Variants in UBR4 observed in about 807,000 individuals in gnomAD.
UBR4 encodes E3 ubiquitin-protein ligase UBR4.
In UBR4, 124 loss-of-function variants were observed where a neutral mutation model predicts 575.6. That is an observed-to-expected ratio of 0.22 (90% CI 0.19 to 0.25). The LOEUF (loss-of-function observed/expected upper bound fraction) is 0.25. UBR4 is among the 10% of genes least tolerant of loss of function. The probability of loss-of-function intolerance (pLI) is 1.00; values close to 1 mark genes in which losing one functional copy is unlikely to be tolerated. For missense variants in UBR4, 4,818 were observed against 6,478.8 expected (o/e 0.74, Z 8.80); for synonymous variants, 2,455 against 2,473.7 (o/e 0.99, Z 0.22).
Position 19,113,807 on chromosome 1 carries a change from C to T in UBR4, c.11349G>A (p.Gly3783=). 6.2e-7 allele frequency: 1 copy of T among 1,614,210 alleles called. No homozygotes were observed. Among genetic ancestry groups the T allele is most frequent in the South Asian group, 1.1e-5 (1 of 91,084 alleles). ...EKPQDDSGTA[G]GISSTSASVN... ...CACTGGCAGAAGTGGAGCTGATGCC[C>T]CCTGCTGTTCCTGAGTCATCCTGCA... Residue 3783 remains glycine (G), a synonymous_variant, in exon 77 of 106, where the codon GGG becomes GGA. Coordinates refer to ENST00000375254, the MANE Select transcript of UBR4 (RefSeq NM_020765.3).
chr1:19,103,887 A>C (rs2078914937), intron 87 of UBR4, among the ~76,000 whole-genome samples, 197 bp downstream of exon 87: 3 of 152,372 alleles, frequency 2.0e-5, no homozygotes, highest in South Asian at 4.1e-4. Context: ...TGAAAAATCC[A>C]AAGTGACTGA....
rs1345516998 is a variant in UBR4 at position 19,121,368 on chromosome 1, T to C, written c.9962A>G (p.Gln3321Arg). 2.5e-6 allele frequency: 4 copies of C among 1,614,134 alleles called. No homozygotes were observed. Among genetic ancestry groups the C allele is most frequent in the Non-Finnish European group, 3.4e-6 (4 of 1,180,002 alleles). Residue 3321 changes from glutamine (Q) to arginine (R), a missense_variant, in exon 68 of 106, where the codon CAA becomes CGA. Physicochemically the swap from Gln to Arg is conservative, Grantham distance 43. Coordinates refer to ENST00000375254, the MANE Select transcript of UBR4 (RefSeq NM_020765.3). ...VDEGVSPVLLQLLSCALCGSK... is the reference protein window; with the variant it reads ...VDEGVSPVLLRLLSCALCGSK... The stretch of plus-strand genomic sequence containing the variant: ...GCCGCACAGAGCACAGGAGAGCAGT[T>C]GCAGCAGCACTGGGGACACGCCCTC...
intron 96 of UBR4, 43 bp from the exon 97 acceptor site, chr1:19,092,961 A>G: frequency 1.9e-6 from 3 of 1,565,974 alleles, no homozygotes; most frequent in Non-Finnish European, 2.6e-6. Context: ...AGGGAAGCAA[A>G]GGCTACCTAG....
At position 19,115,557 on chromosome 1, in the gene UBR4, A is replaced by G; in HGVS notation, c.10904T>C (p.Ile3635Thr). 1 of 1,614,178 alleles carries G rather than the reference A, an allele frequency of 6.2e-7. No homozygotes were observed. The highest frequency in any genetic ancestry group is 8.5e-7 in the Non-Finnish European group (1 of 1,180,002). ...CTCAATCATCAGATTGGAGGCCACA[A>G]TGGGCAACGGCAGGTCAATCTTCAC... ...TEVKIDLPLP[I>T]VASNLMIEFA... The change falls in exon 74 of 106, where the codon ATT becomes ACT. Residue 3635 changes from isoleucine to threonine, a missense_variant. This residue lies in a region of UBR4 where 550 missense variants were observed against 791.5 expected (regional missense o/e 0.69). Coordinates refer to ENST00000375254, the MANE Select transcript of UBR4 (RefSeq NM_020765.3).
chr1:19,199,607 A>G (rs1427897337), intron 3 of UBR4, 44 bp downstream of exon 3: 16 of 1,583,342 alleles, frequency 1.0e-5, no homozygotes, highest in Non-Finnish European at 1.3e-5. Context: ...GTCAGTCACA[A>G]CACTGCTTCA....
At chr1:19,191,070 A>G (rs970668993) in intron 11 of UBR4, among the ~76,000 whole-genome samples, 16 of 152,214 alleles carry the variant, frequency 1.1e-4, no homozygotes, top group Non-Finnish European at 1.8e-4. Context: ...TCAAACCTGA[A>G]CAATTCTACC....
Position 19,097,296 on chromosome 1 carries a change from T to A in UBR4, c.13303-16A>T. 1 of 1,610,328 alleles carries A rather than the reference T, an allele frequency of 6.2e-7. No homozygotes were observed. The highest frequency in any genetic ancestry group is 8.5e-7 in the Non-Finnish European group (1 of 1,178,402). On this transcript the variant is annotated splice_polypyrimidine_tract_variant and intron_variant, in intron 90 of 105. Transcript: ENST00000375254. The stretch of plus-strand genomic sequence containing the variant: ...TGGGCTCTCCCTGAGCAGAGAAAGT[T>A]GGAGAAAGGTACTTAAAAACAGGCC...
At chr1:19,085,288 G>A (rs1273313155) in intron 101 of UBR4, among the ~76,000 whole-genome samples, 1 of 152,160 alleles carries the variant, frequency 6.6e-6, no homozygotes, top group African/African-American at 2.4e-5. Context: ...TTGAGAGGCC[G>A]AGGCAGGTGG....
At chr1:19,184,252 A>C in intron 15 of UBR4, 77 bp from the exon 16 acceptor site, 1 of 1,456,224 alleles carries the variant, frequency 6.9e-7, no homozygotes, top group South Asian at 1.3e-5. Flanking sequence ...TTACAAATAG[A>C]AAATAAAATA....
At chr1:19,081,930 A>G (rs1359564056) in intron 102 of UBR4, 5 of 598,790 alleles carry the variant, frequency 8.4e-6, no homozygotes, top group Non-Finnish European at 1.5e-5. Context: ...AGGCCCAGAA[A>G]AGTGAAGTGA....
intron 66 of UBR4, 146 bp from the exon 67 acceptor site, chr1:19,122,158 C>CTGG (rs1400737445): frequency 3.9e-6 from 3 of 776,712 alleles, no homozygotes; most frequent in Non-Finnish European, 6.5e-6. Flanking sequence ...GCTGAGATGT[C>CTGG]TGGTCAACCT....
chr1:19,162,506 C>A lies in UBR4; in HGVS notation c.4870G>T (p.Asp1624Tyr), dbSNP rs772768046. Residue 1624 changes from aspartate (D) to tyrosine (Y), a missense_variant, in exon 35 of 106, where the codon GAT (aspartate) becomes TAT (tyrosine). Coordinates refer to ENST00000375254, the MANE Select transcript of UBR4 (RefSeq NM_020765.3). ...NGQGPSHLSV[D>Y]GEERAIEVDS... is the part of the protein sequence containing the mutation. ...ACTTCAATGGCCCGCTCTTCCCCAT[C>A]CACTGAGAGATGACTTGGGCCTTGA... The A allele has an allele frequency of 6.2e-6, 10 of 1,614,022 alleles. No individual in the cohort carries two copies. The highest frequency in any genetic ancestry group is 3.4e-6 in the Non-Finnish European group (4 of 1,179,996).
At chr1:19,129,165 C>A in intron 60 of UBR4, 91 bp from the exon 61 acceptor site, 1 of 1,039,482 alleles carries the variant, frequency 9.6e-7, no homozygotes, top group South Asian at 1.4e-5. Flanking sequence ...ACCCTGCTAC[C>A]AAGGTCAACA....
In UBR4 at chr1:19,127,726, T is replaced by C; in HGVS notation, c.9125A>G (p.Lys3042Arg). The C allele has an allele frequency of 6.2e-7, 1 of 1,614,106 alleles. No homozygotes were observed. The highest frequency in any genetic ancestry group is 8.5e-7 in the Non-Finnish European group (1 of 1,179,976). The change falls in exon 63 of 106, where the codon AAG (lysine) becomes AGG (arginine). Residue 3042 changes from lysine to arginine, a missense_variant. Physicochemically the swap from Lys to Arg is conservative, Grantham distance 26. This residue lies in a region of UBR4 where 550 missense variants were observed against 791.5 expected (regional missense o/e 0.69). Coordinates refer to ENST00000375254, the MANE Select transcript of UBR4 (RefSeq NM_020765.3). ...TTCATTCAGGGCGCTGCGCTCATTC[T>C]TCTTGGAGACATCCTGCAGGCCAAA... ...LGMDKKDVSK[K>R]NERSALNEVH... is the part of the protein sequence containing the mutation.
Position 19,162,426 on chromosome 1 carries a change from C to T in UBR4, c.4950G>A (p.Glu1650=), listed in dbSNP as rs2087538105. Residue 1650 remains glutamate (E), a synonymous_variant, in exon 35 of 106, where the codon GAG becomes GAA. Transcript: ENST00000375254. ...GAGGTTACTTAGTACTTACTGAATC[C>T]TCAGCCTGGGAATCTTCCTCTTCCA... ...LAVEEEDSQA[E]DSDEDSLCNK... 6.2e-7 allele frequency: 1 copy of T among 1,612,552 alleles called. No homozygotes were observed. The highest frequency in any genetic ancestry group is 8.5e-7 in the Non-Finnish European group (1 of 1,179,452).
chr1:19,107,020 T>A, intron 81 of UBR4, 54 bp from the exon 82 acceptor site: 1 of 1,600,118 alleles, frequency 6.2e-7, no homozygotes, highest in Non-Finnish European at 8.5e-7. Context: ...ACCTGAGCCA[T>A]AGCCCCAACA....
At chr1:19,143,258 G>A (rs2084282064) in intron 55 of UBR4, among the ~76,000 whole-genome samples, 2 of 78,688 alleles carry the variant, frequency 2.5e-5, no homozygotes, top group African/African-American at 8.4e-5. Flanking sequence ...AAGGAAGGAA[G>A]GAAGAAAGAA....
In UBR4 at chr1:19,074,727, T is replaced by A; in HGVS notation, c.*105A>T. On this transcript the variant is annotated 3_prime_UTR_variant, in exon 106 of 106. Transcript: ENST00000375254. ...AAAAATGAGAGAGGGGAGGGCGGGG[T>A]AACAATGCAGCATCCCGCGGAGGGA... 44 of 1,249,242 alleles carry A rather than the reference T, an allele frequency of 3.5e-5. No individual in the cohort carries two copies. Among genetic ancestry groups the A allele is most frequent in the East Asian group, 8.0e-5 (3 of 37,538 alleles). The allele number at this position is 1,249,242 out of a possible 1,614,324, so 77.4% of individuals were successfully genotyped here.
Position 19,190,312 on chromosome 1 carries a change from A to AAAAAAAATATATATAT in UBR4, c.1394+1875_1394+1876insATATATATATTTTTTT. Reference sequence around the variant, plus strand: ...TGCCTCAAAAAAAAAAAAAAAAAAAAATATATATATATATATATTTGTATG... The same window carrying AAAAAAAATATATATAT: ...TGCCTCAAAAAAAAAAAAAAAAAAAAAAAAAAATATATATATATATATATATATATATATTTGTATG... On this transcript the variant is annotated intron_variant, in intron 11 of 105. Transcript: ENST00000375254. Among the ~76,000 whole-genome samples the AAAAAAAATATATATAT allele has an allele frequency of 1.6e-3, 125 of 79,848 alleles. 2 individuals are homozygous for AAAAAAAATATATATAT. Among genetic ancestry groups the AAAAAAAATATATATAT allele is most frequent in the East Asian group, 5.8e-3 (10 of 1,724 alleles). 52.4% of individuals were successfully genotyped at this position (79,848 alleles called of 152,430 possible).
Sources: allele counts gnomAD v4.1 joint callset (sites outside exome capture counted in the v4.1 genomes callset), GRCh38; gene constraint gnomAD v4.1.1; regional missense constraint gnomAD v4.1.1; transcripts MANE v1.5; gene names NCBI Gene and HGNC (gene_info 2026-07-23, HGNC 2026-07-21).